CDC42BPB: variants seen among roughly 807,000 people sequenced by gnomAD.
CDC42BPB encodes CDC42 binding protein kinase beta, also known as serine/threonine-protein kinase MRCK beta.
CDC42BPB carries 37 observed loss-of-function variants against 214.9 expected under a neutral mutation model. The ratio of observed to expected loss-of-function variants is 0.17; its 90% CI spans 0.13 to 0.23. The LOEUF (loss-of-function observed/expected upper bound fraction) is 0.23, where lower values mean the gene tolerates loss of function less well. Ranked by LOEUF, CDC42BPB falls within the 10% of genes least tolerant of loss-of-function variation. The probability of loss-of-function intolerance (pLI) is 1.00; values close to 1 mark genes in which losing one functional copy is unlikely to be tolerated. For synonymous variants in CDC42BPB, 931 were observed against 884.0 expected, an observed-to-expected ratio of 1.05 and a Z score of -0.94; for missense variants, 1,694 against 2,227.0, an observed-to-expected ratio of 0.76 and a Z score of 4.82.
chr14:102,978,960 T>C (rs1157893107), intron 8 of CDC42BPB, among the ~76,000 whole-genome samples: 2 of 152,144 alleles, frequency 1.3e-5, no homozygotes, highest in African/African-American at 4.8e-5. Context: ...TGAGCTGAGG[T>C]TGTATCACTG....
At chr14:103,055,241 T>C (rs925851778) in intron 1 of CDC42BPB, among the ~76,000 whole-genome samples, 2 of 152,118 alleles carry the variant, frequency 1.3e-5, no homozygotes, top group Non-Finnish European at 2.9e-5. Context: ...TGGCCAACAC[T>C]GTGAAACCCC....
intron 29 of CDC42BPB, 131 bp downstream of exon 29, chr14:102,945,531 G>T: frequency 1.4e-6 from 1 of 735,504 alleles, no homozygotes; most frequent in Non-Finnish European, 2.3e-6. Flanking sequence ...GGTCTTCACG[G>T]CACGCTGGCC....
chr14:103,005,167 C>CA (rs59904134), intron 3 of CDC42BPB, among the ~76,000 whole-genome samples: 2,479 of 117,306 alleles, frequency 0.021, 25 homozygotes, highest in African/African-American at 0.026. Context: ...GACTCTGTCT[C>CA]AAAAAAAAAA....
chr14:102,947,652 C>G (rs1358675738), intron 27 of CDC42BPB, 69 bp downstream of exon 27: 2 of 1,363,750 alleles, frequency 1.5e-6, no homozygotes, highest in Non-Finnish European at 2.1e-6. Context: ...TGCCGCAGCA[C>G]AATGACATGC....
chr14:102,953,357 C>T (rs942651496), intron 23 of CDC42BPB, among the ~76,000 whole-genome samples: 1 of 152,234 alleles, frequency 6.6e-6, no homozygotes, highest in Non-Finnish European at 1.5e-5. Context: ...GAGTGACACA[C>T]CAGCACTCTG....
intron 5 of CDC42BPB, among the ~76,000 whole-genome samples, chr14:102,998,928 G>A (rs1000909295): frequency 2.0e-5 from 3 of 148,080 alleles, no homozygotes; most frequent in Admixed American, 6.7e-5. Flanking sequence ...GTCTTGGGCG[G>A]TAGAGACAGA....
intron 1 of CDC42BPB, among the ~76,000 whole-genome samples, chr14:103,053,301 C>T (rs987279176): frequency 4.0e-5 from 6 of 151,658 alleles, no homozygotes; most frequent in Admixed American, 6.6e-5. Flanking sequence ...GAGCCAAGAT[C>T]GCACCACTGC....
In CDC42BPB at chr14:103,035,601, G is replaced by A. The variant is rs545475227; in HGVS notation, c.175+21398C>T. On this transcript the variant is annotated intron_variant, in intron 1 of 36. Transcript: ENST00000361246. ...CATGCCGGTAATCCCAGCACTTTGGGAGGCCAAGGTGGGTGGATCACGAGG... is the reference window on the plus strand; with the variant it reads ...CATGCCGGTAATCCCAGCACTTTGGAAGGCCAAGGTGGGTGGATCACGAGG... Among the ~76,000 whole-genome samples the A allele has an allele frequency of 3.3e-5, 5 of 152,130 alleles. No individual in the cohort carries two copies. The South Asian group carries it at 1.0e-3, about 32-fold the overall frequency.
chr14:102,950,693 C>T (rs12100549), intron 24 of CDC42BPB, 91 bp from the exon 25 acceptor site: 86,074 of 1,391,806 alleles, frequency 0.062, 7,087 homozygotes, highest in African/African-American at 0.4. Flanking sequence ...ATTTAATAAT[C>T]ACCAGGTCTC....
At chr14:103,002,924 T>C (rs1279464039) in intron 4 of CDC42BPB, among the ~76,000 whole-genome samples, 1 of 152,118 alleles carries the variant, frequency 6.6e-6, no homozygotes, top group African/African-American at 2.4e-5. Context: ...GGTGTTCAAA[T>C]CTCAGGGCTT....
At chr14:102,950,033 T>C (rs1892412676) in intron 25 of CDC42BPB, 129 bp from the exon 26 acceptor site, 1 of 1,503,180 alleles carries the variant, frequency 6.7e-7, no homozygotes. Flanking sequence ...GAGGGATGTT[T>C]GCCCAAGAAG....
intron 27 of CDC42BPB, among the ~76,000 whole-genome samples, chr14:102,947,281 C>T (rs983674828): frequency 5.9e-5 from 9 of 152,154 alleles, no homozygotes; most frequent in South Asian, 2.1e-4. Context: ...CTTCTAGGAA[C>T]GTCCTAATGC....
At chr14:102,995,601 G>C (rs1441411741) in intron 5 of CDC42BPB, among the ~76,000 whole-genome samples, 2 of 152,220 alleles carry the variant, frequency 1.3e-5, no homozygotes, top group South Asian at 2.1e-4. Context: ...GTCTGCCACT[G>C]ATTTCCTCAC....
intron 1 of CDC42BPB, among the ~76,000 whole-genome samples, chr14:103,025,499 T>A (rs527673813): frequency 1.4e-5 from 2 of 145,228 alleles, no homozygotes; most frequent in South Asian, 2.2e-4. Context: ...AATGAACTAG[T>A]ACACATTAAA....
At chr14:102,975,585 T>A in intron 11 of CDC42BPB, 99 bp downstream of exon 11, 1 of 1,276,680 alleles carries the variant, frequency 7.8e-7, no homozygotes, top group East Asian at 2.3e-5. Context: ...CTAAGCTTTT[T>A]TTCTGCTTTC....
At chr14:102,960,251 C>A (rs887059255) in intron 20 of CDC42BPB, among the ~76,000 whole-genome samples, 2 of 152,030 alleles carry the variant, frequency 1.3e-5, no homozygotes, top group Non-Finnish European at 2.9e-5. Flanking sequence ...ACCACAGGGG[C>A]AGCTGGGCTG....
intron 1 of CDC42BPB, among the ~76,000 whole-genome samples, chr14:103,025,291 G>T (rs10150442): frequency 0.21 from 31,689 of 151,890 alleles, 5,734 homozygotes; most frequent in African/African-American, 0.49. Context: ...ATTGCACTTG[G>T]ATCGCTTAGG....
chr14:102,985,955 C>T (rs1027471591), intron 6 of CDC42BPB, among the ~76,000 whole-genome samples: 4 of 152,212 alleles, frequency 2.6e-5, no homozygotes, highest in South Asian at 2.1e-4. Context: ...TGGTGATAGC[C>T]GATCCGGGGG....
chr14:103,031,395 C>T lies in CDC42BPB; in HGVS notation c.176-19207G>A, dbSNP rs74082758. Among the ~76,000 whole-genome samples, 1,103 of 152,244 alleles carry T rather than the reference C, an allele frequency of 7.2e-3. 17 individuals are homozygous for T. The highest frequency in any genetic ancestry group is 0.025 in the African/African-American group (1,052 of 41,550). Reference sequence around the variant, plus strand: ...TAAAATCAACAAATGAAAGAGCTTTCCAAATAATCAATAAAACTTTACGGC... The same window carrying T: ...TAAAATCAACAAATGAAAGAGCTTTTCAAATAATCAATAAAACTTTACGGC... On this transcript the variant is annotated intron_variant, in intron 1 of 36. Transcript: ENST00000361246.
Sources: allele counts gnomAD v4.1 joint callset (sites outside exome capture counted in the v4.1 genomes callset), GRCh38; gene constraint gnomAD v4.1.1; transcripts MANE v1.5; gene names NCBI Gene and HGNC (gene_info 2026-07-23, HGNC 2026-07-21).